The following KIAA1217 variants were observed in gnomAD, a reference collection of about 807,000 sequenced individuals.
KIAA1217 encodes KIAA1217.
KIAA1217 carries 88 observed loss-of-function variants against 163.9 expected under a neutral mutation model. The observed-to-expected ratio is 0.54, with a 90% CI of 0.45 to 0.64. KIAA1217 has a LOEUF of 0.64. Among genes scored for constraint, KIAA1217 ranks in the 30% least tolerant of loss-of-function variants. KIAA1217 has a pLI of 0.00. For synonymous variants in KIAA1217, 903 were observed against 923.1 expected (o/e 0.98, Z 0.39); for missense variants, 2,372 against 2,475.0 (o/e 0.96, Z 0.88).
chr10:24,036,761 T>C lies in KIAA1217; in HGVS notation c.-171+29387T>C, dbSNP rs1404230217. Among the ~76,000 whole-genome samples, 5 of 152,086 alleles carry C rather than the reference T, an allele frequency of 3.3e-5. No homozygotes were observed. The East Asian group carries it at 9.7e-4, about 29-fold the overall frequency. ...AACTAATAGAGTGAGAACGCACTCA[T>C]TACCACGAGGACCGCAACAAGCCAT... On this transcript the variant is annotated intron_variant, in intron 2 of 18. Coordinates refer to the KIAA1217 transcript ENST00000376462.
chr10:24,026,741 G>A (rs1160687389), intron 2 of KIAA1217, among the ~76,000 whole-genome samples: 1 of 54,316 alleles, frequency 1.8e-5, no homozygotes, highest in Non-Finnish European at 3.7e-5. Flanking sequence ...CTATTTCATT[G>A]ATTTTTTTTT....
intron 1 of KIAA1217, among the ~76,000 whole-genome samples, chr10:23,974,812 C>G (rs1040032590): frequency 1.3e-5 from 2 of 152,112 alleles, no homozygotes; most frequent in South Asian, 2.1e-4. Flanking sequence ...AAAGTAGGAA[C>G]TCAGTATAAG....
rs548500236 is a variant in KIAA1217 at position 24,351,947 on chromosome 10, G to A, written c.355-28922G>A. 3.3e-5 allele frequency among the ~76,000 whole-genome samples: 5 copies of A among 152,312 alleles called. No homozygotes were observed. The South Asian group carries it at 1.0e-3, about 32-fold the overall frequency. On this transcript the variant is annotated intron_variant, in intron 2 of 20. Transcript: ENST00000376454. Reference sequence around the variant, plus strand: ...CTGCTCACAGGTCTGACCCTCCCCTGTGGTTGATGGGCAGGACAGGACTCT... The same window carrying A: ...CTGCTCACAGGTCTGACCCTCCCCTATGGTTGATGGGCAGGACAGGACTCT...
intron 9 of KIAA1217, among the ~76,000 whole-genome samples, chr10:24,503,642 A>G (rs2067962912): frequency 6.6e-6 from 1 of 152,236 alleles, no homozygotes. Flanking sequence ...AAATCTGGAG[A>G]CACAGGTTTT....
intron 2 of KIAA1217, among the ~76,000 whole-genome samples, chr10:24,144,065 A>C (rs769851291): frequency 2.6e-5 from 4 of 152,232 alleles, no homozygotes; most frequent in Non-Finnish European, 5.9e-5. Context: ...CTAGATAGAA[A>C]AGTGAGAGGA....
intron 1 of KIAA1217, among the ~76,000 whole-genome samples, chr10:23,807,052 C>G (rs1045560266): frequency 1.3e-5 from 2 of 152,190 alleles, no homozygotes; most frequent in Non-Finnish European, 2.9e-5. Flanking sequence ...GAGGGCAGAG[C>G]AAATGTTGCC....
intron 1 of KIAA1217, among the ~76,000 whole-genome samples, chr10:24,003,252 T>C (rs749226829): frequency 3.3e-5 from 5 of 152,230 alleles, no homozygotes; most frequent in Non-Finnish European, 7.3e-5. Context: ...ATAGTAGTTG[T>C]ACTAGTTTAC....
intron 1 of KIAA1217, among the ~76,000 whole-genome samples, chr10:23,919,826 A>G (rs1208657837): frequency 1.3e-5 from 2 of 152,136 alleles, no homozygotes; most frequent in African/African-American, 2.4e-5. Context: ...CTCTTCAACT[A>G]GAACGACTGC....
intron 1 of KIAA1217, among the ~76,000 whole-genome samples, chr10:23,969,149 C>G (rs1253251014): frequency 6.6e-6 from 1 of 152,206 alleles, no homozygotes; most frequent in Non-Finnish European, 1.5e-5. Flanking sequence ...ATTCCCCCAC[C>G]TCAGCCTCCC....
intron 2 of KIAA1217, among the ~76,000 whole-genome samples, chr10:24,150,078 C>T (rs2064534192): frequency 1.3e-5 from 2 of 152,052 alleles, no homozygotes; most frequent in African/African-American, 2.4e-5. Context: ...AGTGCAATGG[C>T]GCGATCTCAG....
chr10:23,939,328 T>A (rs1261454872), intron 1 of KIAA1217, among the ~76,000 whole-genome samples: 6 of 152,104 alleles, frequency 3.9e-5, no homozygotes, highest in African/African-American at 1.4e-4. Flanking sequence ...CAACAATCCC[T>A]ATACGGGGAG....
chr10:24,340,327 C>G (rs934768873), intron 2 of KIAA1217, among the ~76,000 whole-genome samples: 5 of 152,104 alleles, frequency 3.3e-5, no homozygotes, highest in Non-Finnish European at 7.4e-5. Flanking sequence ...ATACAGTTCT[C>G]CTAGTAGTGA....
Position 24,503,702 on chromosome 10 carries a change from T to C in KIAA1217, c.2001+2157T>C, listed in dbSNP as rs1338987238. On this transcript the variant is annotated intron_variant, in intron 9 of 20. Transcript: ENST00000376454. ...TGTTGGAAAGTAATTGAAAACTAATTACTGAGTACTCTGCAGGCCAAAGGA... is the reference window on the plus strand; with the variant it reads ...TGTTGGAAAGTAATTGAAAACTAATCACTGAGTACTCTGCAGGCCAAAGGA... Among the ~76,000 whole-genome samples, 3 of 152,330 alleles carry C rather than the reference T, an allele frequency of 2.0e-5. No homozygotes were observed. The East Asian group carries it at 5.8e-4, about 29-fold the overall frequency.
At chr10:23,867,621 A>G (rs531016179) in intron 1 of KIAA1217, among the ~76,000 whole-genome samples, 2 of 152,022 alleles carry the variant, frequency 1.3e-5, no homozygotes, top group African/African-American at 4.8e-5. Flanking sequence ...GCATTTTTTC[A>G]TGTGTTTTTT....
At chr10:23,729,040 T>A (rs1564371557) in intron 1 of KIAA1217, among the ~76,000 whole-genome samples, 1 of 152,206 alleles carries the variant, frequency 6.6e-6, no homozygotes, top group Non-Finnish European at 1.5e-5. Flanking sequence ...ACAGTTTGAA[T>A]CCAACAGTAC....
At chr10:23,995,374 T>C (rs1209564275) in intron 1 of KIAA1217, among the ~76,000 whole-genome samples, 1 of 152,150 alleles carries the variant, frequency 6.6e-6, no homozygotes, top group Non-Finnish European at 1.5e-5. Context: ...GACATGTTCA[T>C]AATTGCAGGA....
chr10:24,248,670 C>CAAAAAAA (rs929995548), intron 2 of KIAA1217, among the ~76,000 whole-genome samples: 5 of 36,458 alleles, frequency 1.4e-4, no homozygotes, highest in South Asian at 1.7e-3. Flanking sequence ...GACTCCATCT[C>CAAAAAAA]AAAAAAAAAA....
chr10:23,964,061 T>G (rs571962707), intron 1 of KIAA1217, among the ~76,000 whole-genome samples: 1 of 151,850 alleles, frequency 6.6e-6, no homozygotes, highest in Non-Finnish European at 1.5e-5. Context: ...GCTCAGCTAA[T>G]TTTTTCTTTC....
At chr10:24,539,385 C>T (rs2074649919) in intron 17 of KIAA1217, among the ~76,000 whole-genome samples, 1 of 152,060 alleles carries the variant, frequency 6.6e-6, no homozygotes. Context: ...TGCACCACCA[C>T]ACCCGGCTAA....
Sources: allele counts gnomAD v4.1 joint callset (sites outside exome capture counted in the v4.1 genomes callset), GRCh38; gene constraint gnomAD v4.1.1; transcripts MANE v1.5; gene names NCBI Gene and HGNC (gene_info 2026-07-23, HGNC 2026-07-21).